SLC25A12: variants seen among roughly 807,000 people sequenced by gnomAD.
The protein encoded by SLC25A12 is solute carrier family 25 member 12, also known as electrogenic aspartate/glutamate antiporter SLC25A12, mitochondrial.
Under a neutral mutation model 83.3 loss-of-function variants are expected in SLC25A12, and 32 were observed. The observed-to-expected ratio is 0.38, with a 90% CI of 0.29 to 0.52. The LOEUF (loss-of-function observed/expected upper bound fraction) is 0.52, where lower values mean the gene tolerates loss of function less well. Among genes scored for constraint, SLC25A12 ranks in the 20% least tolerant of loss-of-function variants. The pLI is 0.84. For synonymous variants in SLC25A12, 267 were observed against 291.1 expected, an observed-to-expected ratio of 0.92 and a Z score of 0.84; for missense variants, 611 against 835.6, an observed-to-expected ratio of 0.73 and a Z score of 3.31.
chr2:171,893,212 AAT>A lies in SLC25A12; in HGVS notation c.57_58del (p.Phe20SerfsTer7), dbSNP rs1268834418. ...CTATGCAAGCCAATTTACCTGTAGA[AAT>A]ATGTTTCTTAACTCATGAGGATCCC... On this transcript the variant is annotated frameshift_variant, in exon 2 of 18. Coordinates refer to ENST00000422440, the MANE Select transcript of SLC25A12 (RefSeq NM_003705.5). LOFTEE classifies it high-confidence loss of function. The A allele has an allele frequency of 1.9e-6, 3 of 1,613,946 alleles. No homozygotes were observed. Among genetic ancestry groups the A allele is most frequent in the South Asian group, 2.2e-5 (2 of 91,084 alleles).
At chr2:171,825,799 AGTG>A (rs1684288701) in intron 9 of SLC25A12, among the ~76,000 whole-genome samples, 1 of 152,222 alleles carries the variant, frequency 6.6e-6, no homozygotes, top group Non-Finnish European at 1.5e-5. Context: ...GTGCTATAGA[AGTG>A]GAAGTTTCAA....
chr2:171,807,949 C>A (rs1558913780), intron 13 of SLC25A12, among the ~76,000 whole-genome samples: 1 of 149,024 alleles, frequency 6.7e-6, no homozygotes, highest in Non-Finnish European at 1.5e-5. Context: ...CTGGAGCAAC[C>A]TCTCTCTCTC....
intron 2 of SLC25A12, among the ~76,000 whole-genome samples, chr2:171,878,967 C>T (rs1285138328): frequency 6.6e-6 from 1 of 152,190 alleles, no homozygotes; most frequent in Non-Finnish European, 1.5e-5. Flanking sequence ...CACAGCAGAT[C>T]TGACACACAA....
chr2:171,816,229 C>A (rs1684048457), intron 9 of SLC25A12, among the ~76,000 whole-genome samples: 1 of 151,910 alleles, frequency 6.6e-6, no homozygotes, highest in African/African-American at 2.4e-5. Context: ...CCATGCCCAG[C>A]TAATTTTTAA....
intron 6 of SLC25A12, 147 bp downstream of exon 6, chr2:171,836,974 A>G (rs1167633615): frequency 2.1e-5 from 15 of 719,704 alleles, no homozygotes; most frequent in Non-Finnish European, 3.4e-5. Flanking sequence ...ACACACACAC[A>G]CACACACACA....
At chr2:171,866,985 C>G (rs548658772) in intron 3 of SLC25A12, among the ~76,000 whole-genome samples, 7 of 144,062 alleles carry the variant, frequency 4.9e-5, no homozygotes, top group Admixed American at 1.4e-4. Flanking sequence ...CGCTCCTCAC[C>G]TCCCAGACGG....
chr2:171,808,248 T>A (rs1228430426), intron 13 of SLC25A12, among the ~76,000 whole-genome samples: 1 of 148,038 alleles, frequency 6.8e-6, no homozygotes, highest in Non-Finnish European at 1.5e-5. Flanking sequence ...TAAGTAAATA[T>A]CTGAGTCTCT....
chr2:171,867,318 A>G (rs11695029), intron 3 of SLC25A12, among the ~76,000 whole-genome samples: 107,182 of 143,106 alleles, frequency 0.75, 40,635 homozygotes, highest in East Asian at 0.87. Context: ...CCGAGATCAC[A>G]CCACTGCACT....
intron 2 of SLC25A12, 70 bp downstream of exon 2, chr2:171,893,135 A>C: frequency 8.2e-7 from 1 of 1,216,162 alleles, no homozygotes; most frequent in Admixed American, 1.7e-5. Flanking sequence ...AAGTTAAGGC[A>C]TGAATAGGAC....
chr2:171,814,654 C>T (rs896424711), intron 10 of SLC25A12, among the ~76,000 whole-genome samples: 1 of 151,828 alleles, frequency 6.6e-6, no homozygotes, highest in African/African-American at 2.4e-5. Flanking sequence ...CACCCTCCCC[C>T]ACAAGTAGAC....
At chr2:171,785,589 C>G (rs1690473442) in intron 17 of SLC25A12, 114 bp from the exon 18 acceptor site, 3 of 926,206 alleles carry the variant, frequency 3.2e-6, no homozygotes, top group Admixed American at 3.8e-5. Context: ...TTCTCTCAAC[C>G]ATTTCCATGG....
intron 15 of SLC25A12, among the ~76,000 whole-genome samples, chr2:171,789,389 C>T (rs914280326): frequency 2.2e-4 from 33 of 151,604 alleles, no homozygotes; most frequent in African/African-American, 7.6e-4. Flanking sequence ...CCACCACGCC[C>T]GGCTAATTTT....
chr2:171,822,956 T>C lies in SLC25A12; in HGVS notation c.930+3842A>G, dbSNP rs190096801. Among the ~76,000 whole-genome samples the C allele has an allele frequency of 3.1e-3, 470 of 152,322 alleles. 3 individuals are homozygous for C. The highest frequency in any genetic ancestry group is 5.7e-3 in the Non-Finnish European group (387 of 68,024). On this transcript the variant is annotated intron_variant, in intron 9 of 17. Transcript: ENST00000422440. ...TAATTATGTACTTCTAATTTGGCAA[T>C]ATAGGAAAAATTACAAGAGAATCAA...
Position 171,855,908 on chromosome 2 carries a change from A to G in SLC25A12, c.251T>C (p.Leu84Ser), listed in dbSNP as rs1685035354. ...YQEFLAFESV[L>S]CAPDSMFIVA... ...TATGAACATGGAATCTGGAGCACAT[A>G]AAACAGATTCAAATGCCAAAAACTC... Residue 84 changes from leucine (L) to serine (S), a missense_variant, in exon 4 of 18, where the codon TTA (leucine) becomes TCA (serine). This residue lies in a region of SLC25A12 where 540 missense variants were observed against 777.5 expected (regional missense o/e 0.69). Transcript: ENST00000422440. The G allele has an allele frequency of 6.2e-7, 1 of 1,613,256 alleles. No homozygotes were observed. The highest frequency in any genetic ancestry group is 8.5e-7 in the Non-Finnish European group (1 of 1,179,308).
intron 2 of SLC25A12, among the ~76,000 whole-genome samples, chr2:171,891,271 C>A (rs2105936219): frequency 6.6e-6 from 1 of 152,120 alleles, no homozygotes; most frequent in East Asian, 1.9e-4. Context: ...TGCATTCCAG[C>A]CTGGGCGACA....
At chr2:171,875,870 G>A (rs1376140018) in intron 2 of SLC25A12, among the ~76,000 whole-genome samples, 4 of 122,862 alleles carry the variant, frequency 3.3e-5, no homozygotes, top group East Asian at 2.6e-4. Flanking sequence ...CCAAGATTGC[G>A]CCACTGCACC....
intron 10 of SLC25A12, among the ~76,000 whole-genome samples, chr2:171,814,790 C>T (rs1684016293): frequency 6.6e-6 from 1 of 152,122 alleles, no homozygotes; most frequent in African/African-American, 2.4e-5. Flanking sequence ...AATAGCGAAT[C>T]TCAATTTCTT....
At chr2:171,828,747 T>A (rs1684366877) in intron 8 of SLC25A12, among the ~76,000 whole-genome samples, 1 of 152,232 alleles carries the variant, frequency 6.6e-6, no homozygotes, top group South Asian at 2.1e-4. Context: ...ATTATTAAAG[T>A]TCATGGCTAT....
At chr2:171,789,375 C>CGT (rs1690552447) in intron 15 of SLC25A12, among the ~76,000 whole-genome samples, 1 of 151,982 alleles carries the variant, frequency 6.6e-6, no homozygotes, top group Non-Finnish European at 1.5e-5. Context: ...ACTACAGAAG[C>CGT]CCGCCACCAC....
Sources: gnomAD v4.1 joint callset for allele counts (sites outside exome capture counted in the v4.1 genomes callset) on GRCh38, gnomAD v4.1.1 for gene constraint, gnomAD v4.1.1 regional missense constraint, MANE v1.5 for transcripts, NCBI Gene and HGNC (gene_info 2026-07-23, HGNC 2026-07-21) for gene names.